Variants in DCC observed in about 807,000 individuals in gnomAD.
The protein encoded by DCC is DCC netrin 1 receptor.
Under a neutral mutation model 172.5 loss-of-function variants are expected in DCC, and 58 were observed. The ratio of observed to expected loss-of-function variants is 0.34; its 90% CI spans 0.27 to 0.42. The LOEUF is 0.42. Ranked by LOEUF, DCC falls within the 10% of genes least tolerant of loss-of-function variation. The pLI, the probability that DCC is intolerant of heterozygous loss-of-function variation, is 1.00. For synonymous variants in DCC, 709 were observed against 644.5 expected, an observed-to-expected ratio of 1.10 and a Z score of -1.52; for missense variants, 1,740 against 1,791.0, an observed-to-expected ratio of 0.97 and a Z score of 0.51.
At chr18:52,600,716 A>G (rs1568249518) in intron 1 of DCC, among the ~76,000 whole-genome samples, 2 of 151,518 alleles carry the variant, frequency 1.3e-5, no homozygotes, top group Middle Eastern at 3.4e-3. Flanking sequence ...AATTTTGCGC[A>G]TTGTTGTTGT....
At chr18:52,719,749 GA>G (rs1222873475) in intron 1 of DCC, among the ~76,000 whole-genome samples, 3 of 152,200 alleles carry the variant, frequency 2.0e-5, no homozygotes, top group African/African-American at 7.2e-5. Flanking sequence ...TATTTAAGCT[GA>G]AACCAGAGGA....
chr18:52,532,259 C>T (rs187206054), intron 1 of DCC, among the ~76,000 whole-genome samples: 1 of 152,278 alleles, frequency 6.6e-6, no homozygotes. Flanking sequence ...TAGGCATATA[C>T]ATTTTGCATG....
intron 1 of DCC, among the ~76,000 whole-genome samples, chr18:52,671,183 T>C (rs557960956): frequency 2.0e-5 from 3 of 152,286 alleles, no homozygotes; most frequent in African/African-American, 7.2e-5. Flanking sequence ...CAAACATGAG[T>C]TCTTCATAAT....
At chr18:53,170,610 T>A (rs994045547) in intron 8 of DCC, among the ~76,000 whole-genome samples, 4 of 152,226 alleles carry the variant, frequency 2.6e-5, no homozygotes, top group Non-Finnish European at 1.5e-5. Flanking sequence ...GGTATTTTGT[T>A]ATTATAAAAT....
At chr18:53,045,282 C>T (rs1159472276) in intron 5 of DCC, among the ~76,000 whole-genome samples, 2 of 151,906 alleles carry the variant, frequency 1.3e-5, no homozygotes, top group East Asian at 3.9e-4. Context: ...AGATTTTAAG[C>T]ATAAGAGGAT....
intron 5 of DCC, among the ~76,000 whole-genome samples, chr18:52,994,303 C>G (rs1426840481): frequency 6.6e-6 from 1 of 150,732 alleles, no homozygotes; most frequent in South Asian, 2.1e-4. Flanking sequence ...AAATTTCCAC[C>G]AATTTAGGAA....
chr18:53,129,715 A>G (rs1019507729), intron 7 of DCC, among the ~76,000 whole-genome samples: 1 of 152,120 alleles, frequency 6.6e-6, no homozygotes, highest in Non-Finnish European at 1.5e-5. Context: ...GTCCTAATGT[A>G]TTTATCTACT....
At chr18:52,674,275 G>T (rs1015566303) in intron 1 of DCC, among the ~76,000 whole-genome samples, 6 of 152,092 alleles carry the variant, frequency 3.9e-5, no homozygotes, top group Admixed American at 2.0e-4. Context: ...ATAGCTGATG[G>T]TATAGATTGC....
intron 11 of DCC, among the ~76,000 whole-genome samples, chr18:53,214,582 T>C (rs369083285): frequency 6.6e-6 from 1 of 152,136 alleles, no homozygotes; most frequent in African/African-American, 2.4e-5. Flanking sequence ...TTCTTGAAAA[T>C]GCCTGAGAAC....
At chr18:52,877,085 G>A (rs2039414646) in intron 2 of DCC, among the ~76,000 whole-genome samples, 1 of 152,176 alleles carries the variant, frequency 6.6e-6, no homozygotes, top group African/African-American at 2.4e-5. Context: ...TGGATGACCT[G>A]TATTTTATAC....
At chr18:53,008,048 A>G (rs1432929831) in intron 5 of DCC, among the ~76,000 whole-genome samples, 1 of 152,174 alleles carries the variant, frequency 6.6e-6, no homozygotes, top group African/African-American at 2.4e-5. Flanking sequence ...GAAACTATGA[A>G]GCAACACCAG....
At chr18:53,021,414 C>T (rs998784522) in intron 5 of DCC, among the ~76,000 whole-genome samples, 3 of 152,098 alleles carry the variant, frequency 2.0e-5, no homozygotes, top group Admixed American at 1.3e-4. Context: ...ATTATTATAT[C>T]GTGTTCTATT....
At chr18:52,384,240 T>C (rs2144331220) in intron 1 of DCC, among the ~76,000 whole-genome samples, 1 of 152,242 alleles carries the variant, frequency 6.6e-6, no homozygotes, top group South Asian at 2.1e-4. Flanking sequence ...ATAACCCCTA[T>C]AATCATTAGA....
At chr18:53,351,667 T>TC (rs1349312619) in intron 15 of DCC, among the ~76,000 whole-genome samples, 1 of 150,966 alleles carries the variant, frequency 6.6e-6, no homozygotes, top group Non-Finnish European at 1.5e-5. Context: ...GGTCATTCAT[T>TC]CTACCAACAT....
At chr18:52,811,940 G>T (rs574155266) in intron 2 of DCC, among the ~76,000 whole-genome samples, 2 of 152,034 alleles carry the variant, frequency 1.3e-5, no homozygotes, top group Admixed American at 1.3e-4. Flanking sequence ...ACTATGTTTT[G>T]TATTTTGAAA....
chr18:53,302,469 C>T (rs894511430), intron 12 of DCC, among the ~76,000 whole-genome samples: 17 of 152,100 alleles, frequency 1.1e-4, no homozygotes, highest in Non-Finnish European at 1.6e-4. Flanking sequence ...TGTACTCTTT[C>T]GAGTCTGGTT....
At chr18:53,022,335 C>A (rs368877776) in intron 5 of DCC, among the ~76,000 whole-genome samples, 6 of 151,580 alleles carry the variant, frequency 4.0e-5, no homozygotes, top group Non-Finnish European at 7.4e-5. Flanking sequence ...GGAGTTGGGC[C>A]GGTTGTGTTA....
At chr18:52,747,644 ATC>A (rs1245525809) in intron 1 of DCC, among the ~76,000 whole-genome samples, 2 of 152,134 alleles carry the variant, frequency 1.3e-5, no homozygotes, top group Non-Finnish European at 2.9e-5. Flanking sequence ...CAGTTTTATC[ATC>A]TCTGTCTTCC....
Position 52,672,638 on chromosome 18 carries a change from T to C in DCC, c.92-79416T>C, listed in dbSNP as rs1047010257. Among the ~76,000 whole-genome samples the C allele has an allele frequency of 4.0e-5, 6 of 151,430 alleles. No homozygotes were observed. The East Asian group carries it at 1.2e-3, about 30-fold the overall frequency. On this transcript the variant is annotated intron_variant, in intron 1 of 28. Coordinates refer to ENST00000442544, the MANE Select transcript of DCC (RefSeq NM_005215.4). ...TCCCTTCCTTCCCTCCTTCCCTCTT[T>C]CCTCTTTTTCCCCTTCCCCCTTGCC...
Sources: allele counts gnomAD v4.1 joint callset (sites outside exome capture counted in the v4.1 genomes callset), GRCh38; gene constraint gnomAD v4.1.1; transcripts MANE v1.5; gene names NCBI Gene and HGNC (gene_info 2026-07-23, HGNC 2026-07-21).